SUGCT: variants seen among roughly 807,000 people sequenced by gnomAD.
SUGCT encodes succinyl-CoA:glutarate-CoA transferase, also known as succinyl-CoA:glutarate CoA-transferase.
In SUGCT, 41 loss-of-function variants were observed where a neutral mutation model predicts 55.0. The ratio of observed to expected loss-of-function variants is 0.74; its 90% CI spans 0.58 to 0.97. SUGCT has a LOEUF of 0.97. SUGCT is among the 50% of genes least tolerant of loss of function. The pLI, the probability that SUGCT is intolerant of heterozygous loss-of-function variation, is 0.00. For missense variants in SUGCT, 568 were observed against 547.8 expected (o/e 1.04, Z -0.37); for synonymous variants, 187 against 200.4 (o/e 0.93, Z 0.56).
At chr7:40,250,415 A>T (rs1790290239) in intron 7 of SUGCT, among the ~76,000 whole-genome samples, 1 of 151,448 alleles carries the variant, frequency 6.6e-6, no homozygotes, top group African/African-American at 2.4e-5. Flanking sequence ...TTTTTAAAGT[A>T]ATTATTCTTA....
chr7:40,435,073 C>A (rs1390163063), intron 9 of SUGCT, among the ~76,000 whole-genome samples: 1 of 152,110 alleles, frequency 6.6e-6, no homozygotes. Flanking sequence ...TGTACAGGAA[C>A]CCAAATTTGG....
the SUGCT span, chr7:40,967,079 T>A: frequency 3.3e-5 from 5 of 152,308 alleles, no homozygotes; most frequent in African/African-American, 1.2e-4. Context: ...TTCTCTGAGT[T>A]CAAGTCTGTA....
chr7:41,036,858 C>T, the SUGCT span, among the ~76,000 whole-genome samples: 6 of 152,276 alleles, frequency 3.9e-5, no homozygotes, highest in Admixed American at 3.3e-4. Flanking sequence ...GTACCTTAAG[C>T]TTGGCATTTT....
At chr7:40,479,728 T>C (rs1406313019) in intron 11 of SUGCT, among the ~76,000 whole-genome samples, 4 of 152,128 alleles carry the variant, frequency 2.6e-5, no homozygotes, top group Admixed American at 1.3e-4. Flanking sequence ...AGATTTGAGG[T>C]GATATCTCCC....
chr7:40,949,110 G>A, the SUGCT span, among the ~76,000 whole-genome samples: 3 of 152,144 alleles, frequency 2.0e-5, no homozygotes, highest in South Asian at 6.2e-4. Context: ...ATCCTCTCCA[G>A]CATCTGTTGT....
chr7:40,329,714 T>C (rs1562685790), intron 9 of SUGCT, among the ~76,000 whole-genome samples: 1 of 152,146 alleles, frequency 6.6e-6, no homozygotes, highest in African/African-American at 2.4e-5. Flanking sequence ...TTGTTTTCCT[T>C]AGACCCTTGT....
chr7:40,436,419 C>T (rs988871273), intron 9 of SUGCT, among the ~76,000 whole-genome samples: 5 of 152,114 alleles, frequency 3.3e-5, no homozygotes, highest in Non-Finnish European at 5.9e-5. Context: ...TTGATAAATC[C>T]AGAGATATGA....
At chr7:40,601,874 A>G (rs1218817670) in intron 12 of SUGCT, among the ~76,000 whole-genome samples, 1 of 152,168 alleles carries the variant, frequency 6.6e-6, no homozygotes, top group Non-Finnish European at 1.5e-5. Context: ...TTCAAATAAG[A>G]TCTAACCCTT....
At chr7:40,911,174 A>G in the SUGCT span, among the ~76,000 whole-genome samples, 2 of 152,178 alleles carry the variant, frequency 1.3e-5, no homozygotes, top group Admixed American at 1.3e-4. Context: ...GGGGTGGGAT[A>G]AGTTCAGAAG....
intron 6 of SUGCT, among the ~76,000 whole-genome samples, chr7:40,220,250 C>A (rs1271614178): frequency 6.6e-6 from 1 of 152,156 alleles, no homozygotes; most frequent in Non-Finnish European, 1.5e-5. Flanking sequence ...CTGTCTGCTG[C>A]CATGCTGACC....
At chr7:40,184,106 C>T (rs1318332703) in intron 3 of SUGCT, among the ~76,000 whole-genome samples, 2 of 151,938 alleles carry the variant, frequency 1.3e-5, no homozygotes, top group South Asian at 2.1e-4. Context: ...ACCTGGGAGG[C>T]GGAGGTTGCA....
At chr7:40,216,551 C>G (rs969599981) in intron 6 of SUGCT, among the ~76,000 whole-genome samples, 3 of 148,738 alleles carry the variant, frequency 2.0e-5, no homozygotes, top group Non-Finnish European at 4.4e-5. Flanking sequence ...GCTGCTTAAG[C>G]TTGCTTAAGA....
At chr7:40,950,597 C>G in the SUGCT span, among the ~76,000 whole-genome samples, 1 of 152,196 alleles carries the variant, frequency 6.6e-6, no homozygotes, top group African/African-American at 2.4e-5. Flanking sequence ...CTGGGTTTGT[C>G]ATAAATAGCT....
chr7:40,532,596 G>C (rs1422169846), intron 12 of SUGCT, among the ~76,000 whole-genome samples: 1 of 149,722 alleles, frequency 6.7e-6, no homozygotes, highest in Non-Finnish European at 1.5e-5. Context: ...GATCGCCTTG[G>C]ATTACTTTTA....
chr7:40,241,919 C>CAA (rs34968969), intron 7 of SUGCT, among the ~76,000 whole-genome samples: 2,923 of 130,550 alleles, frequency 0.022, 90 homozygotes, highest in African/African-American at 0.07. Flanking sequence ...ACTCTGTCTC[C>CAA]AAAAAAAAAA....
At chr7:40,938,316 C>T in the SUGCT span, among the ~76,000 whole-genome samples, 20 of 151,476 alleles carry the variant, frequency 1.3e-4, no homozygotes, top group Middle Eastern at 6.8e-3. Flanking sequence ...CCTGTTCCTT[C>T]GTTACTGCCT....
intron 11 of SUGCT, among the ~76,000 whole-genome samples, chr7:40,490,560 G>C (rs560066329): frequency 6.6e-6 from 1 of 152,072 alleles, no homozygotes; most frequent in Non-Finnish European, 1.5e-5. Flanking sequence ...CAGTTTTTTG[G>C]TGCAATAGGA....
intron 11 of SUGCT, among the ~76,000 whole-genome samples, chr7:40,477,550 A>G (rs1432955562): frequency 1.3e-5 from 2 of 152,202 alleles, no homozygotes; most frequent in East Asian, 3.8e-4. Context: ...TTTCTATCCT[A>G]TGCCTCTTTT....
chr7:40,711,674 G>C (rs1785730258), intron 12 of SUGCT, among the ~76,000 whole-genome samples: 1 of 152,154 alleles, frequency 6.6e-6, no homozygotes, highest in Admixed American at 6.5e-5. Context: ...CAGCGCTGCT[G>C]CCCGCAGAGT....
Sources: allele counts gnomAD v4.1 joint callset (sites outside exome capture counted in the v4.1 genomes callset), GRCh38; gene constraint gnomAD v4.1.1; transcripts MANE v1.5; gene names NCBI Gene and HGNC (gene_info 2026-07-23, HGNC 2026-07-21).